Variants in CXXC5 observed in about 807,000 individuals in gnomAD.
CXXC5 encodes CXXC finger protein 5.
In CXXC5, 2 loss-of-function variants were observed where a neutral mutation model predicts 17.6. That is an observed-to-expected ratio of 0.11 (90% CI 0.05 to 0.36). The LOEUF (loss-of-function observed/expected upper bound fraction) is 0.36. Ranked by LOEUF, CXXC5 falls within the 10% of genes least tolerant of loss-of-function variation. CXXC5 has a pLI of 1.00. For synonymous variants in CXXC5, 171 were observed against 193.0 expected (o/e 0.89, Z 0.94); for missense variants, 343 against 458.3 (o/e 0.75, Z 2.30).
rs1755774262 is a variant in CXXC5 at position 139,661,001 on chromosome 5, C to T, written c.-161+12156C>T. 6.6e-6 allele frequency among the ~76,000 whole-genome samples: 1 copy of T among 152,146 alleles called. No homozygotes were observed. Among genetic ancestry groups the T allele is most frequent in the Non-Finnish European group, 1.5e-5 (1 of 67,996 alleles). On this transcript the variant is annotated intron_variant, in intron 1 of 2. Transcript: ENST00000302517. This position sits in a 1 kb window ranked among gnomAD's most constrained non-coding sequence, Gnocchi z 4.7. ...AGCTCAGGTTTCGATGAAACAGGAACCCCGGAGCTGCAGCCTGGGCCGAGG... is the reference window on the plus strand; with the variant it reads ...AGCTCAGGTTTCGATGAAACAGGAATCCCGGAGCTGCAGCCTGGGCCGAGG...
Position 139,658,687 on chromosome 5 carries a change from GCAGGGCCGGGCGGCTTC to G in CXXC5, c.-161+9844_-161+9860del, listed in dbSNP as rs1231507897. On this transcript the variant is annotated intron_variant, in intron 1 of 2. Transcript: ENST00000302517. The surrounding 1 kb of genome is among the most constrained non-coding windows in gnomAD (Gnocchi z 4.1). ...AGGCTGTTGCTTCCAGCAACAGCCG[GCAGGGCCGGGCGGCTTC>G]CCAGCTCCCCCTCTGACTCATGGCC... is the stretch of plus-strand genomic sequence containing the variant. Among the ~76,000 whole-genome samples, 1 of 152,222 alleles carries G rather than the reference GCAGGGCCGGGCGGCTTC, an allele frequency of 6.6e-6. No individual in the cohort carries two copies. Among genetic ancestry groups the G allele is most frequent in the Non-Finnish European group, 1.5e-5 (1 of 68,030 alleles).
chr5:139,682,047 G>A (rs752978807), intron 2 of CXXC5, among the ~76,000 whole-genome samples: 3 of 152,102 alleles, frequency 2.0e-5, no homozygotes, highest in African/African-American at 4.8e-5. Flanking sequence ...CCATGAGCCC[G>A]GAGTGGACAA....
At chr5:139,659,245 G>C (rs537573204) in intron 1 of CXXC5, among the ~76,000 whole-genome samples, 1 of 152,140 alleles carries the variant, frequency 6.6e-6, no homozygotes, top group Non-Finnish European at 1.5e-5. Flanking sequence ...TGACTCCCGG[G>C]GAAGGACTGA....
intron 1 of CXXC5, among the ~76,000 whole-genome samples, chr5:139,655,471 TACTG>T (rs1223545008): frequency 2.8e-5 from 4 of 143,922 alleles, no homozygotes; most frequent in Non-Finnish European, 4.5e-5. Flanking sequence ...GCCGCTGAAT[TACTG>T]ACCCAGAGGC....
chr5:139,676,283 AC>A (rs1561545574), intron 1 of CXXC5, among the ~76,000 whole-genome samples: 4 of 7,896 alleles, frequency 5.1e-4, no homozygotes, highest in Non-Finnish European at 7.0e-4. Flanking sequence ...CCTCCTCCCC[AC>A]CCTCCTCCCC....
In CXXC5 at chr5:139,663,593, T is replaced by C. The variant is rs1755937239; in HGVS notation, c.-161+14748T>C. On this transcript the variant is annotated intron_variant, in intron 1 of 2. Transcript: ENST00000302517. This position sits in a 1 kb window ranked among gnomAD's most constrained non-coding sequence, Gnocchi z 4.2. ...ATGGTCCTGCAGGCTAGACGGGGAATGCTTTGTATTTGGGGCTGGGGAAAC... is the reference window on the plus strand; with the variant it reads ...ATGGTCCTGCAGGCTAGACGGGGAACGCTTTGTATTTGGGGCTGGGGAAAC... Among the ~76,000 whole-genome samples the C allele has an allele frequency of 6.6e-6, 1 of 152,128 alleles. No homozygotes were observed.
chr5:139,679,105 G>A (rs979424555), intron 1 of CXXC5, among the ~76,000 whole-genome samples: 4 of 152,164 alleles, frequency 2.6e-5, no homozygotes, highest in Non-Finnish European at 5.9e-5. Context: ...TGAGGGTCAC[G>A]CCTACTCCTC....
At chr5:139,650,299 G>A (rs967375123) in intron 1 of CXXC5, among the ~76,000 whole-genome samples, 1 of 152,162 alleles carries the variant, frequency 6.6e-6, no homozygotes. Context: ...CTTCGGATGG[G>A]GGGGGAGCTA....
intron 1 of CXXC5, among the ~76,000 whole-genome samples, chr5:139,667,687 CTTGGGGGT>C (rs1756187267): frequency 6.6e-6 from 1 of 152,030 alleles, no homozygotes; most frequent in African/African-American, 2.4e-5. Context: ...CTCTTAAGAG[CTTGGGGGT>C]TTGGGGGTTA....
At chr5:139,655,149 ACTGCAGAGGTC>A (rs1469313985) in intron 1 of CXXC5, among the ~76,000 whole-genome samples, 1 of 152,098 alleles carries the variant, frequency 6.6e-6, no homozygotes, top group Non-Finnish European at 1.5e-5. Context: ...GGAAGAGGGA[ACTGCAGAGGTC>A]TCCCTGCCAT....
rs1177450451 is a variant in CXXC5 at position 139,683,251 on chromosome 5, G to T, written c.*344G>T. The T allele has an allele frequency of 1.9e-5, 4 of 212,984 alleles. 1 individual carries two copies. The highest frequency in any genetic ancestry group is 1.8e-5 in the Non-Finnish European group (2 of 109,082). The allele number at this position is 212,984 out of a possible 1,614,324, so 13.2% of individuals were successfully genotyped here. A position where few individuals can be genotyped will look rare whatever the true frequency, so the allele number is the denominator to read the frequency against. Reference sequence around the variant, plus strand: ...TGTCGATGTTGTCTGTGCAGGAGATGCAGTTTTTGTGTAGAGAATGTAAAT... The same window carrying T: ...TGTCGATGTTGTCTGTGCAGGAGATTCAGTTTTTGTGTAGAGAATGTAAAT... On this transcript the variant is annotated 3_prime_UTR_variant, in exon 3 of 3. Coordinates refer to ENST00000302517, the MANE Select transcript of CXXC5 (RefSeq NM_016463.9).
rs1755826410 is a variant in CXXC5 at position 139,661,731 on chromosome 5, C to T, written c.-161+12886C>T. 1.3e-5 allele frequency among the ~76,000 whole-genome samples: 2 copies of T among 152,266 alleles called. No homozygotes were observed. The highest frequency in any genetic ancestry group is 1.3e-4 in the Admixed American group (2 of 15,280). On this transcript the variant is annotated intron_variant, in intron 1 of 2. Transcript: ENST00000302517. This position sits in a 1 kb window ranked among gnomAD's most constrained non-coding sequence, Gnocchi z 4.7. The stretch of plus-strand genomic sequence containing the variant: ...CTGCTGTGGTCAGGGCTCTGTTCCC[C>T]TAGACGCCCCGTGTTTAGGCTTACA...
intron 1 of CXXC5, among the ~76,000 whole-genome samples, chr5:139,653,390 G>T (rs1755314764): frequency 6.6e-6 from 1 of 152,218 alleles, no homozygotes; most frequent in Non-Finnish European, 1.5e-5. Context: ...ATGCTGGGAA[G>T]CCTGCCCCTA....
chr5:139,649,830 C>G (rs1020507732), intron 1 of CXXC5: 1 of 152,298 alleles, frequency 6.6e-6, no homozygotes, highest in African/African-American at 2.4e-5. Flanking sequence ...GCCCGACCCC[C>G]CTCCCCTTCG....
upstream of CXXC5, among the ~76,000 whole-genome samples, chr5:139,647,598 C>A (rs1411837803): frequency 3.3e-5 from 5 of 152,268 alleles, no homozygotes; most frequent in East Asian, 5.8e-4. Flanking sequence ...CAATCAGTAC[C>A]TATTGAGCGC....
intron 1 of CXXC5, among the ~76,000 whole-genome samples, chr5:139,665,412 CCT>C (rs1453351610): frequency 6.6e-6 from 1 of 152,246 alleles, no homozygotes; most frequent in Non-Finnish European, 1.5e-5. Context: ...GCCCCCACCT[CCT>C]TGCTGGAATG....
intron 1 of CXXC5, among the ~76,000 whole-genome samples, chr5:139,660,939 C>A (rs1110065): frequency 7.2e-6 from 1 of 138,986 alleles, no homozygotes; most frequent in African/African-American, 2.6e-5. Flanking sequence ...GCCTGGTGGC[C>A]GGCGGGACAG....
Position 139,680,933 on chromosome 5 carries a change from A to G in CXXC5, c.410A>G (p.Lys137Arg), listed in dbSNP as rs1466751684. The G allele has an allele frequency of 6.2e-7, 1 of 1,601,958 alleles. No individual in the cohort carries two copies. The highest frequency in any genetic ancestry group is 1.7e-5 in the Admixed American group (1 of 60,034). ...AAAAGCAACCCTACCTCAAAGCACA[A>G]AAGTGGTGCTGTGGCCAGCCTGCTG... is the stretch of plus-strand genomic sequence containing the variant. The part of the protein sequence containing the change: ...VDKSNPTSKH[K>R]SGAVASLLSK... The change falls in exon 2 of 3, where the codon AAA (lysine) becomes AGA (arginine). Residue 137 changes from lysine (K) to arginine (R), a missense_variant. Physicochemically the swap from Lys to Arg is conservative, Grantham distance 26 (BLOSUM62 2). Around this residue, in one of 4 missense-constraint regions of CXXC5, gnomAD observed 297 missense variants for 363.4 expected, o/e 0.82. Transcript: ENST00000302517.
In CXXC5 at chr5:139,677,591, C is replaced by T. The variant is rs565930970; in HGVS notation, c.-160-2773C>T. On this transcript the variant is annotated intron_variant, in intron 1 of 2. Transcript: ENST00000302517. ...CCTGTGAGCCAGTCCCTCCGTGTAC[C>T]CACCTCCCTTCAACTTCTGTGGCTG... 2.0e-5 allele frequency among the ~76,000 whole-genome samples: 3 copies of T among 152,286 alleles called. No homozygotes were observed. In the East Asian group the frequency reaches 5.8e-4, roughly 29 times the overall value.
Sources: gnomAD v4.1 joint callset for allele counts (sites outside exome capture counted in the v4.1 genomes callset) on GRCh38, gnomAD v4.1.1 for gene constraint, gnomAD v4.1.1 regional missense constraint, Gnocchi (gnomAD v3.1) non-coding constraint, MANE v1.5 for transcripts, NCBI Gene and HGNC (gene_info 2026-07-23, HGNC 2026-07-21) for gene names.